The following ATG2A variants were observed in gnomAD, a reference collection of about 807,000 sequenced individuals.
ATG2A encodes the protein autophagy related 2A, also known as autophagy-related protein 2 homolog A.
A neutral mutation model predicts 214.2 loss-of-function variants in ATG2A; 103 were observed. The ratio of observed to expected loss-of-function variants is 0.48; its 90% confidence interval spans 0.41 to 0.57. The LOEUF is 0.57. Among genes scored for constraint, ATG2A ranks in the 20% least tolerant of loss-of-function variants. The pLI is 0.00. For synonymous variants in ATG2A, 1,160 were observed against 1,142.1 expected, an observed-to-expected ratio of 1.02 and a Z score of -0.32; for missense variants, 2,312 against 2,613.2, an observed-to-expected ratio of 0.88 and a Z score of 2.51.
intron 17 of ATG2A, 28 bp downstream of exon 17, chr11:64,907,720 T>C: frequency 6.2e-7 from 1 of 1,611,144 alleles, no homozygotes; most frequent in African/African-American, 1.3e-5. Flanking sequence ...CAGTGTCCAG[T>C]CCCGCCCTGC....
chr11:64,896,873 G>A lies in ATG2A; in HGVS notation c.5151-4C>T. 6.2e-7 allele frequency: 1 copy of A among 1,613,446 alleles called. No individual in the cohort carries two copies. The highest frequency in any genetic ancestry group is 8.5e-7 in the Non-Finnish European group (1 of 1,179,464). Reference sequence around the variant, plus strand: ...CACCTTGTCCACACCCAGGAGCCTGGCAGGGCAGGGAGGTGAGGAGGCAGA... The same window carrying A: ...CACCTTGTCCACACCCAGGAGCCTGACAGGGCAGGGAGGTGAGGAGGCAGA... On this transcript the variant is annotated splice_polypyrimidine_tract_variant and splice_region_variant and intron_variant, in intron 37 of 40. Transcript: ENST00000377264.
Position 64,898,376 on chromosome 11 carries a change from G to C in ATG2A, c.4672-14C>G. 2.5e-6 allele frequency: 4 copies of C among 1,582,072 alleles called. No individual in the cohort carries two copies. The highest frequency in any genetic ancestry group is 3.4e-6 in the Non-Finnish European group (4 of 1,165,948). On this transcript the variant is annotated splice_polypyrimidine_tract_variant and intron_variant, in intron 32 of 40. Coordinates refer to ENST00000377264, the MANE Select transcript of ATG2A (RefSeq NM_015104.3). This position sits in a 1 kb window ranked among gnomAD's most constrained non-coding sequence, Gnocchi z 4.5. ...TTTGATGGTGAGCTGGGAGCAGAGG[G>C]TGAGTTCTGGACACCTGCTGGGCCT...
Position 64,902,397 on chromosome 11 carries a change from C to G in ATG2A, c.3778-11G>C. 1 of 1,552,798 alleles carries G rather than the reference C, an allele frequency of 6.4e-7. No individual in the cohort carries two copies. Among genetic ancestry groups the G allele is most frequent in the Non-Finnish European group, 8.7e-7 (1 of 1,148,728 alleles). Reference sequence around the variant, plus strand: ...AGGACTCTCCGAGAGCTGGGCCAGGCAGGGGAGGAGCAATGAGTGAGACAG... The same window carrying G: ...AGGACTCTCCGAGAGCTGGGCCAGGGAGGGGAGGAGCAATGAGTGAGACAG... On this transcript the variant is annotated splice_polypyrimidine_tract_variant and intron_variant, in intron 27 of 40. Transcript: ENST00000377264.
chr11:64,906,112 C>T lies in ATG2A; in HGVS notation c.3264+1G>A, dbSNP rs1204661476. On this transcript the variant is annotated splice_donor_variant, in intron 22 of 40. Coordinates refer to ENST00000377264, the MANE Select transcript of ATG2A (RefSeq NM_015104.3). LOFTEE classifies it high-confidence loss of function. ...TGTGGCTTCCCACCACCCACGCTCA[C>T]CTGGGAATGCCAGCTCTGCTCGGGC... The T allele has an allele frequency of 6.3e-7, 1 of 1,575,150 alleles. No homozygotes were observed. The highest frequency in any genetic ancestry group is 8.6e-7 in the Non-Finnish European group (1 of 1,160,058).
rs1944371668 is a variant in ATG2A at position 64,902,113 on chromosome 11, G to A, written c.3968C>T (p.Ala1323Val). The A allele has an allele frequency of 6.2e-7, 1 of 1,613,842 alleles. No homozygotes were observed. The highest frequency in any genetic ancestry group is 1.1e-5 in the South Asian group (1 of 91,082). ...CCCGACAGGTGGTGAAGGGGGTGGG[G>A]CCCCACTCCGTTCACCTGGGAATAG... ...VYLFPGERSG[A>V]PPPSPPVGGP... The change falls in exon 29 of 41, where the codon GCC (alanine) becomes GTC (valine). Residue 1323 changes from alanine (A) to valine (V), a missense_variant. Ala to Val is a moderately conservative substitution (Grantham distance 64). Transcript: ENST00000377264.
rs557805166 is a variant in ATG2A, at chr11:64,909,248, C to A, written c.2204+23G>T. 32 of 1,612,998 alleles carry A rather than the reference C, an allele frequency of 2.0e-5. No homozygotes were observed. The South Asian group carries it at 3.5e-4, about 18-fold the overall frequency. ...CCCAGCAGAACCCTCCTCTCCTGGG[C>A]CCAGTCCAGAGCCCCTACTTACTGG... On this transcript the variant is annotated intron_variant, in intron 15 of 40. Transcript: ENST00000377264.
chr11:64,902,740 C>T (rs759229447), intron 26 of ATG2A, 60 bp from the exon 27 acceptor site: 47 of 1,518,248 alleles, frequency 3.1e-5, no homozygotes, highest in Non-Finnish European at 4.2e-5. Context: ...CCTGCTGGCC[C>T]CACCCGCTCG....
Position 64,913,052 on chromosome 11 carries a change from A to G in ATG2A, c.811T>C (p.Phe271Leu). ...TGGGGACCCACCTTGGGGCCAGGGA[A>G]GGCCTCATTTTGCTTCAACTTCACC... ...LMVKLKQNEA[F>L]PGPKLEVAGQ... The change falls in exon 6 of 41, where the codon TTC becomes CTC. Residue 271 changes from phenylalanine (F) to leucine (L), a missense_variant. Transcript: ENST00000377264. The surrounding 1 kb of genome is among the most constrained non-coding windows in gnomAD (Gnocchi z 4.3). 6.4e-7 allele frequency: 1 copy of G among 1,560,894 alleles called. No individual in the cohort carries two copies. The highest frequency in any genetic ancestry group is 8.7e-7 in the Non-Finnish European group (1 of 1,152,276).
rs1251219151 is a variant in ATG2A at position 64,897,431 on chromosome 11, G to A, written c.5131C>T (p.Arg1711Trp). The A allele has an allele frequency of 3.8e-6, 6 of 1,568,470 alleles. No homozygotes were observed. The highest frequency in any genetic ancestry group is 4.7e-5 in the East Asian group (2 of 42,412). Reference protein sequence around the residue: ...QLNCSELKLKRLCCRHGLLGV... With the variant: ...QLNCSELKLKWLCCRHGLLGV... ...ACTCACCCGTGCCTGCAACAGAGCC[G>A]CTTTAGCTTCAGCTCGGAGCAGTTG... The change falls in exon 37 of 41, where the codon CGG becomes TGG. Residue 1711 changes from arginine to tryptophan, a missense_variant. Transcript: ENST00000377264.
At position 64,913,957 on chromosome 11, in the gene ATG2A, G is replaced by A. The variant is rs1295428181; in HGVS notation, c.488-34C>T. On this transcript the variant is annotated intron_variant, in intron 3 of 40. Transcript: ENST00000377264. This position sits in a 1 kb window ranked among gnomAD's most constrained non-coding sequence, Gnocchi z 4.3. The stretch of plus-strand genomic sequence containing the variant: ...TTGGGGAGGGGTCTCAGGTCAGGTA[G>A]AGCAGCAAAGGGGAGGCAGAATTTC... 4.4e-6 allele frequency: 7 copies of A among 1,607,738 alleles called. No homozygotes were observed. In the African/African-American group the frequency reaches 8.0e-5, roughly 18 times the overall value.
chr11:64,902,088 C>A lies in ATG2A; in HGVS notation c.3993G>T (p.Gly1331=), dbSNP rs755919249. ...SGAPPPSPPV[G]GPAGSLGSCS... ...ATGACCCTAAGCTGCCAGCAGGGCC[C>A]CCGACAGGTGGTGAAGGGGGTGGGG... Residue 1331 remains glycine (G), a synonymous_variant, in exon 29 of 41, where the codon GGG becomes GGT. Transcript: ENST00000377264. 149 of 1,613,994 alleles carry A rather than the reference C, an allele frequency of 9.2e-5. No individual in the cohort carries two copies. The Middle Eastern group carries it at 2.0e-3, about 21-fold the overall frequency.
intron 1 of ATG2A, among the ~76,000 whole-genome samples, chr11:64,916,217 C>T (rs1944978059): frequency 6.6e-6 from 1 of 152,210 alleles, no homozygotes; most frequent in East Asian, 1.9e-4. Context: ...TCCCTAGCAT[C>T]TCCCTTGGCC....
At position 64,903,663 on chromosome 11, in the gene ATG2A, G is replaced by A; in HGVS notation, c.3465-3C>T. On this transcript the variant is annotated splice_region_variant and splice_polypyrimidine_tract_variant and intron_variant, in intron 24 of 40. Transcript: ENST00000377264. The surrounding 1 kb of genome is among the most constrained non-coding windows in gnomAD (Gnocchi z 4.2). ...AGGCGGAGTCATCGAGGATGAACCT[G>A]GGGGGGAACAGGGCTGAGAAGGGCC... is the stretch of plus-strand genomic sequence containing the variant. 5 of 1,548,594 alleles carry A rather than the reference G, an allele frequency of 3.2e-6. No homozygotes were observed. Among genetic ancestry groups the A allele is most frequent in the East Asian group, 2.4e-5 (1 of 40,860 alleles).
intron 6 of ATG2A, chr11:64,912,701 C>A: frequency 2.2e-6 from 1 of 454,850 alleles, no homozygotes; most frequent in Non-Finnish European, 3.9e-6. Context: ...TCAAGCGATT[C>A]TCCCGCCTCA....
chr11:64,904,796 G>A (rs1483632992), intron 24 of ATG2A, among the ~76,000 whole-genome samples: 4 of 64,458 alleles, frequency 6.2e-5, no homozygotes, highest in Non-Finnish European at 8.8e-5. Context: ...ACACTGTACT[G>A]TGGCATCTTT....
chr11:64,903,754 G>A lies in ATG2A; in HGVS notation c.3465-94C>T. On this transcript the variant is annotated intron_variant, in intron 24 of 40. Coordinates refer to ENST00000377264, the MANE Select transcript of ATG2A (RefSeq NM_015104.3). This position sits in a 1 kb window ranked among gnomAD's most constrained non-coding sequence, Gnocchi z 4.2. ...GAGGGGTCCCAAGCCCACAGGAGGT[G>A]GTATGGACAGGCCCCTCCAGCCTCA... is the stretch of plus-strand genomic sequence containing the variant. 1 of 1,219,290 alleles carries A rather than the reference G, an allele frequency of 8.2e-7. No individual in the cohort carries two copies. The highest frequency in any genetic ancestry group is 1.1e-6 in the Non-Finnish European group (1 of 873,688). The allele number at this position is 1,219,290 out of a possible 1,614,324, so 75.5% of individuals were successfully genotyped here. A position where few individuals can be genotyped will look rare whatever the true frequency, so the allele number is the denominator to read the frequency against.
chr11:64,903,275 C>T lies in ATG2A; in HGVS notation c.3612+13G>A, dbSNP rs201679939. The T allele has an allele frequency of 1.4e-5, 23 of 1,612,482 alleles. No individual in the cohort carries two copies. In the African/African-American group the frequency reaches 2.5e-4, roughly 18 times the overall value. The stretch of plus-strand genomic sequence containing the variant: ...GCTGTGGCTCCAGGAGCCAGAGTGA[C>T]AGCCTCACTCACCAGTTTGCCCTCG... On this transcript the variant is annotated intron_variant, in intron 26 of 40. Transcript: ENST00000377264. The surrounding 1 kb of genome is among the most constrained non-coding windows in gnomAD (Gnocchi z 4.2).
Position 64,909,942 on chromosome 11 carries a change from G to T in ATG2A, c.1864-18C>A, listed in dbSNP as rs779585967. On this transcript the variant is annotated intron_variant, in intron 13 of 40. Coordinates refer to ENST00000377264, the MANE Select transcript of ATG2A (RefSeq NM_015104.3). ...GGCTCTGTCTGCAGGAGGATTGGGG[G>T]TCAGAGCAGCCGTCGGAGCCCCTCC... 18 of 1,592,280 alleles carry T rather than the reference G, an allele frequency of 1.1e-5. No homozygotes were observed. Among genetic ancestry groups the T allele is most frequent in the Non-Finnish European group, 1.2e-5 (14 of 1,169,318 alleles).
intron 19 of ATG2A, 83 bp downstream of exon 19, chr11:64,907,172 C>T (rs1210415758): frequency 2.1e-6 from 3 of 1,413,348 alleles, no homozygotes; most frequent in Non-Finnish European, 2.8e-6. Context: ...ACATTCTTGA[C>T]CTGGAGCTGC....
Sources: gnomAD v4.1 joint callset for allele counts (sites outside exome capture counted in the v4.1 genomes callset) on GRCh38, gnomAD v4.1.1 for gene constraint, Gnocchi (gnomAD v3.1) non-coding constraint, MANE v1.5 for transcripts, NCBI Gene and HGNC (gene_info 2026-07-23, HGNC 2026-07-21) for gene names.